RCAN1: variants seen among roughly 807,000 people sequenced by gnomAD.
RCAN1 encodes the protein calcipressin-1.
In RCAN1, 11 loss-of-function variants were observed where a neutral mutation model predicts 22.9. The observed-to-expected ratio is 0.48, with a 90% CI of 0.30 to 0.79. The LOEUF is 0.79. RCAN1 is among the 30% of genes least tolerant of loss of function. The pLI is 0.06. For synonymous variants in RCAN1, 136 were observed against 142.3 expected (o/e 0.96, Z 0.32); for missense variants, 291 against 337.8 (o/e 0.86, Z 1.09).
At chr21:34,605,921 G>A (rs8129062) in intron 1 of RCAN1, among the ~76,000 whole-genome samples, 985 of 9,960 alleles carry the variant, frequency 0.099, 165 homozygotes, top group East Asian at 0.25. Context: ...CTCGGTCTCA[G>A]AAAAAAAAAA....
chr21:34,530,624 T>TTTTTGTTTGTTTG (rs1555856735), intron 1 of RCAN1, among the ~76,000 whole-genome samples: 1 of 102,844 alleles, frequency 9.7e-6, no homozygotes, highest in South Asian at 3.4e-4. Flanking sequence ...TAGTTTTTTT[T>TTTTTGTTTGTTTG]TTTTTTTTTT....
At chr21:34,569,047 G>A (rs1342704374) in intron 1 of RCAN1, among the ~76,000 whole-genome samples, 4 of 152,272 alleles carry the variant, frequency 2.6e-5, no homozygotes, top group African/African-American at 9.6e-5. Flanking sequence ...AAGCATGGGG[G>A]ACACCGCCCC....
At chr21:34,574,115 G>C (rs1198509513) in intron 1 of RCAN1, among the ~76,000 whole-genome samples, 1 of 152,182 alleles carries the variant, frequency 6.6e-6, no homozygotes, top group Admixed American at 6.5e-5. Context: ...CCCATGTGAA[G>C]ACACATCCAC....
chr21:34,533,211 T>C (rs995812309), intron 1 of RCAN1, among the ~76,000 whole-genome samples: 10 of 152,122 alleles, frequency 6.6e-5, no homozygotes, highest in African/African-American at 1.2e-4. Context: ...CTGCCTGCGT[T>C]GGCCTCCCAA....
At chr21:34,582,283 G>A (rs528256488) in intron 1 of RCAN1, among the ~76,000 whole-genome samples, 7 of 152,134 alleles carry the variant, frequency 4.6e-5, no homozygotes, top group Non-Finnish European at 5.9e-5. Flanking sequence ...TGAAGCTGAC[G>A]TTCTAGCAAA....
chr21:34,582,024 T>A (rs1267068638), intron 1 of RCAN1, among the ~76,000 whole-genome samples: 2 of 152,138 alleles, frequency 1.3e-5, no homozygotes, highest in Non-Finnish European at 2.9e-5. Flanking sequence ...CAAGGTGTAT[T>A]CTGGGCACGA....
chr21:34,529,329 G>C (rs79780086), intron 1 of RCAN1, among the ~76,000 whole-genome samples: 3 of 152,186 alleles, frequency 2.0e-5, no homozygotes, highest in Admixed American at 1.3e-4. Flanking sequence ...TCCAAAGTGC[G>C]TCTTGCTGAG....
Position 34,615,094 on chromosome 21 carries a change from C to A in RCAN1, c.-83G>T. 1 of 993,616 alleles carries A rather than the reference C, an allele frequency of 1.0e-6. No individual in the cohort carries two copies. Among genetic ancestry groups the A allele is most frequent in the Non-Finnish European group, 1.2e-6 (1 of 834,580 alleles). 61.5% of individuals were successfully genotyped at this position (993,616 alleles called of 1,614,324 possible). On this transcript the variant is annotated 5_prime_UTR_variant, in exon 1 of 4. Transcript: ENST00000313806. The stretch of plus-strand genomic sequence containing the variant: ...AGCCTCACGCGCTCCGGTCCGCGCC[C>A]GGCCGGCGGCTCCGCCGTTAACCCC...
At chr21:34,601,633 A>C (rs1035717710) in intron 1 of RCAN1, among the ~76,000 whole-genome samples, 2 of 152,224 alleles carry the variant, frequency 1.3e-5, no homozygotes, top group Non-Finnish European at 2.9e-5. Flanking sequence ...CTTGGCTAAC[A>C]CGGTGAAACC....
chr21:34,585,681 T>G (rs1273882569), intron 1 of RCAN1, among the ~76,000 whole-genome samples: 1 of 138,814 alleles, frequency 7.2e-6, no homozygotes, highest in Non-Finnish European at 1.5e-5. Context: ...AGGCGGAGCT[T>G]GCAGTGAGCC....
At chr21:34,583,893 C>T (rs1987705337) in intron 1 of RCAN1, among the ~76,000 whole-genome samples, 1 of 151,796 alleles carries the variant, frequency 6.6e-6, no homozygotes, top group African/African-American at 2.4e-5. Flanking sequence ...TCCTATATCA[C>T]ACACACACAC....
rs530515851 is a variant in RCAN1 at position 34,521,309 on chromosome 21, T to C, written c.586+190A>G. The C allele has an allele frequency of 1.2e-5, 18 of 1,481,500 alleles. No homozygotes were observed. The East Asian group carries it at 4.0e-4, about 33-fold the overall frequency. 91.8% of individuals were successfully genotyped at this position (1,481,500 alleles called of 1,614,324 possible). The stretch of plus-strand genomic sequence containing the variant: ...CGATCAGCCGCAGTCTCTCTAACAC[T>C]GCAGGTGGTGCCAAGAGGCAGGCAT... On this transcript the variant is annotated intron_variant, in intron 3 of 3. Transcript: ENST00000313806.
rs752655693 is a variant in RCAN1, at chr21:34,614,814, G to T, written c.198C>A (p.Ser66Arg). The change falls in exon 1 of 4, where the codon AGC becomes AGA. Residue 66 changes from serine (S) to arginine (R), a missense_variant. Ser to Arg is a moderately radical substitution (Grantham distance 110). Transcript: ENST00000313806. This position sits in a 1 kb window ranked among gnomAD's most constrained non-coding sequence, Gnocchi z 6.0. ...GGTCCAGGTGACAGGCGATGGTGGC[G>T]CTGGGCAGGTCCTGCAGGTCCACCT... is the stretch of plus-strand genomic sequence containing the variant. ...MEEVDLQDLPSATIACHLDPR... is the reference protein window; with the variant it reads ...MEEVDLQDLPRATIACHLDPR... The T allele has an allele frequency of 6.0e-6, 9 of 1,490,524 alleles. No individual in the cohort carries two copies. In the Admixed American group the frequency reaches 1.7e-4, roughly 27 times the overall value. The allele number at this position is 1,490,524 out of a possible 1,614,324, so 92.3% of individuals were successfully genotyped here.
rs549365227 is a variant in RCAN1 at position 34,535,260 on chromosome 21, T to C, written c.253-11550A>G. The stretch of plus-strand genomic sequence containing the variant: ...GAGAACAGAAGAACATTCTTCTTGA[T>C]ATAGTTAAAGGAATTTCTATTTTTG... On this transcript the variant is annotated intron_variant, in intron 1 of 3. Transcript: ENST00000313806. Among the ~76,000 whole-genome samples the C allele has an allele frequency of 6.6e-5, 10 of 152,318 alleles. No individual in the cohort carries two copies. In the South Asian group the frequency reaches 1.2e-3, roughly 19 times the overall value.
intron 1 of RCAN1, among the ~76,000 whole-genome samples, chr21:34,546,797 T>C (rs1229651612): frequency 6.6e-6 from 1 of 152,220 alleles, no homozygotes; most frequent in East Asian, 1.9e-4. Context: ...AATTCCATTT[T>C]AGATATGGAA....
intron 1 of RCAN1, among the ~76,000 whole-genome samples, chr21:34,556,017 C>T (rs1003465892): frequency 2.0e-5 from 3 of 148,694 alleles, no homozygotes; most frequent in East Asian, 2.0e-4. Context: ...GAGCTGAGAT[C>T]GTGCCACTGC....
At chr21:34,543,410 G>T (rs867968514) in intron 1 of RCAN1, among the ~76,000 whole-genome samples, 31 of 152,206 alleles carry the variant, frequency 2.0e-4, no homozygotes, top group African/African-American at 7.2e-4. Flanking sequence ...AGGAAAGTGG[G>T]AGTCTTTGGA....
At chr21:34,519,722 G>A (rs1170386320) in intron 3 of RCAN1, among the ~76,000 whole-genome samples, 1 of 152,010 alleles carries the variant, frequency 6.6e-6, no homozygotes, top group Non-Finnish European at 1.5e-5. Flanking sequence ...TTTGCAGTTC[G>A]GGTAAGCGAG....
At chr21:34,525,310 T>G (rs1984963225) in intron 1 of RCAN1, 3 of 1,535,070 alleles carry the variant, frequency 2.0e-6, no homozygotes, top group Non-Finnish European at 2.6e-6. Context: ...CTCCTTGCAT[T>G]CCCCGGCTTT....
Sources: allele counts gnomAD v4.1 joint callset (sites outside exome capture counted in the v4.1 genomes callset), GRCh38; gene constraint gnomAD v4.1.1; non-coding constraint Gnocchi (gnomAD v3.1); transcripts MANE v1.5; gene names NCBI Gene and HGNC (gene_info 2026-07-23, HGNC 2026-07-21).